Variants in ZC3H12D observed in about 807,000 individuals in gnomAD.
ZC3H12D encodes zinc finger CCCH-type containing 12D, also known as probable ribonuclease ZC3H12D.
In ZC3H12D, 11 loss-of-function variants were observed where a neutral mutation model predicts 24.2. The observed-to-expected ratio is 0.46, with a 90% CI of 0.29 to 0.75. ZC3H12D has a LOEUF of 0.75. Among genes scored for constraint, ZC3H12D ranks in the 30% least tolerant of loss-of-function variants. The pLI is 0.11. For missense variants in ZC3H12D, 740 were observed against 767.7 expected (o/e 0.96, Z 0.43); for synonymous variants, 333 against 341.8 (o/e 0.97, Z 0.28).
In ZC3H12D at chr6:149,452,576, G is replaced by A; in HGVS notation, c.787+40C>T. 3 of 1,446,448 alleles carry A rather than the reference G, an allele frequency of 2.1e-6. No homozygotes were observed. Among genetic ancestry groups the A allele is most frequent in the Admixed American group, 2.7e-5 (1 of 37,630 alleles). 89.6% of individuals were successfully genotyped at this position (1,446,448 alleles called of 1,614,324 possible). A position where few individuals can be genotyped will look rare whatever the true frequency, so the allele number is the denominator to read the frequency against. On this transcript the variant is annotated intron_variant, in intron 5 of 5. Transcript: ENST00000409806. The surrounding 1 kb of genome is among the most constrained non-coding windows in gnomAD (Gnocchi z 4.0). ...GTGCTCCTGTACTGCCCCCACACAA[G>A]GCCCTGAACAGGGCCTGCGAAGCAC...
At chr6:149,478,181 A>C (rs879306491) in intron 1 of ZC3H12D, among the ~76,000 whole-genome samples, 70 of 152,062 alleles carry the variant, frequency 4.6e-4, no homozygotes, top group Non-Finnish European at 7.4e-4. Context: ...AAAAAAAAAA[A>C]AAAACTATTT....
chr6:149,459,905 C>T (rs1169938091), intron 3 of ZC3H12D, among the ~76,000 whole-genome samples: 1 of 113,586 alleles, frequency 8.8e-6, no homozygotes, highest in Non-Finnish European at 1.7e-5. Context: ...AGAGAAAACC[C>T]ATGGCAACTG....
In ZC3H12D at chr6:149,456,050, G is replaced by A. The variant is rs940362827; in HGVS notation, c.680+616C>T. ...GGACAGATCACAAGGTCAGGAGATCGAGACCATCTGGCTAACATGGTGAAA... is the reference window on the plus strand; with the variant it reads ...GGACAGATCACAAGGTCAGGAGATCAAGACCATCTGGCTAACATGGTGAAA... On this transcript the variant is annotated intron_variant, in intron 4 of 5. Transcript: ENST00000409806. The surrounding 1 kb of genome is among the most constrained non-coding windows in gnomAD (Gnocchi z 4.3). 6.6e-6 allele frequency among the ~76,000 whole-genome samples: 1 copy of A among 151,130 alleles called. No individual in the cohort carries two copies. The highest frequency in any genetic ancestry group is 1.5e-5 in the Non-Finnish European group (1 of 67,900).
At chr6:149,455,573 T>C (rs421453) in intron 4 of ZC3H12D, among the ~76,000 whole-genome samples, 69,933 of 151,844 alleles carry the variant, frequency 0.46, 16,803 homozygotes, top group East Asian at 0.84. Context: ...ATTAGCTGAG[T>C]GGTTTGTGCC....
At chr6:149,464,075 A>G (rs561183004) in intron 2 of ZC3H12D, among the ~76,000 whole-genome samples, 1 of 152,376 alleles carries the variant, frequency 6.6e-6, no homozygotes, top group East Asian at 1.9e-4. Flanking sequence ...CTGAGGCCAC[A>G]GCATGGACAG....
chr6:149,446,814 A>G lies in ZC3H12D; in HGVS notation c.*3869T>C, dbSNP rs974936354. 2.0e-5 allele frequency: 3 copies of G among 152,150 alleles called. No homozygotes were observed. Among genetic ancestry groups the G allele is most frequent in the East Asian group, 3.9e-4 (2 of 5,186 alleles). The allele number at this position is 152,150 out of a possible 1,614,324, so 9.4% of individuals were successfully genotyped here. On this transcript the variant is annotated 3_prime_UTR_variant, in exon 6 of 6. Coordinates refer to ENST00000409806, the MANE Select transcript of ZC3H12D (RefSeq NM_207360.3). ...TCAATGTCAAACCAAAGCTGGATCC[A>G]TTTTATTTGGAAGAATGCCAATTAG...
chr6:149,449,429 G>A lies in ZC3H12D; in HGVS notation c.*1254C>T, dbSNP rs939289928. ...ACTATACTCCAGACAGAGTGACAGAGTGAGACTCTGTCTTTTTTTTTTTTT... is the reference window on the plus strand; with the variant it reads ...ACTATACTCCAGACAGAGTGACAGAATGAGACTCTGTCTTTTTTTTTTTTT... On this transcript the variant is annotated 3_prime_UTR_variant, in exon 6 of 6. Coordinates refer to ENST00000409806, the MANE Select transcript of ZC3H12D (RefSeq NM_207360.3). The A allele has an allele frequency of 4.6e-5, 7 of 151,572 alleles. No homozygotes were observed. The highest frequency in any genetic ancestry group is 1.5e-4 in the African/African-American group (6 of 40,962). 9.4% of individuals were successfully genotyped at this position (151,572 alleles called of 1,614,324 possible).
intron 2 of ZC3H12D, among the ~76,000 whole-genome samples, chr6:149,463,666 G>A (rs772194953): frequency 5.3e-5 from 8 of 152,330 alleles, no homozygotes; most frequent in South Asian, 2.1e-4. Flanking sequence ...CCGAGATCGC[G>A]CCACTGCACT....
At position 149,450,660 on chromosome 6, in the gene ZC3H12D, C is replaced by A; in HGVS notation, c.*23G>T. The A allele has an allele frequency of 6.7e-7, 1 of 1,491,868 alleles. No individual in the cohort carries two copies. The highest frequency in any genetic ancestry group is 9.0e-7 in the Non-Finnish European group (1 of 1,117,206). 92.4% of individuals were successfully genotyped at this position (1,491,868 alleles called of 1,614,324 possible). On this transcript the variant is annotated 3_prime_UTR_variant, in exon 6 of 6. Transcript: ENST00000409806. ...AGACGCAAGGCGAGGCTGGGCCATT[C>A]CCTGCAAGTGCGTGTTGGTCCCTTA... is the stretch of plus-strand genomic sequence containing the variant.
intron 1 of ZC3H12D, among the ~76,000 whole-genome samples, chr6:149,476,811 A>AAATAGAATAGAATAG (rs58370843): frequency 0.023 from 3,422 of 150,992 alleles, 127 homozygotes; most frequent in African/African-American, 0.074. Flanking sequence ...CTGTCTAAAA[A>AAATAGAATAGAATAG]AATAGAATAG....
intron 4 of ZC3H12D, among the ~76,000 whole-genome samples, chr6:149,453,661 C>T (rs1481643821): frequency 6.6e-6 from 1 of 152,170 alleles, no homozygotes; most frequent in East Asian, 1.9e-4. Flanking sequence ...GATTTTTATC[C>T]AGGAAAATGA....
Position 149,450,881 on chromosome 6 carries a change from A to G in ZC3H12D, c.1386T>C (p.Thr462=). Residue 462 remains threonine, a synonymous_variant, in exon 6 of 6, where the codon ACT becomes ACC. Transcript: ENST00000409806. ...CGGTCGCGTACACTGAAAGTCCCCC[A>G]GTGGCGCCGTCGCCCCAGGCCGGCT... ...WAEPAWGDGA[T]GGLSVYATED... is the part of the protein sequence containing the mutation. The G allele has an allele frequency of 6.5e-7, 1 of 1,541,630 alleles. No homozygotes were observed. The highest frequency in any genetic ancestry group is 8.7e-7 in the Non-Finnish European group (1 of 1,146,546).
chr6:149,464,572 C>T (rs1377736016), intron 2 of ZC3H12D, among the ~76,000 whole-genome samples: 3 of 152,206 alleles, frequency 2.0e-5, no homozygotes, highest in South Asian at 2.1e-4. Flanking sequence ...CACTGGGGAA[C>T]GTTGGCACCC....
In ZC3H12D at chr6:149,447,315, G is replaced by C. The variant is rs237006; in HGVS notation, c.*3368C>G. On this transcript the variant is annotated 3_prime_UTR_variant, in exon 6 of 6. Coordinates refer to ENST00000409806, the MANE Select transcript of ZC3H12D (RefSeq NM_207360.3). ...CTGGAGTGCAGAGCGCAGTGGCACA[G>C]TCTCAGCTCACTACAACCTCTGCCT... The C allele has an allele frequency of 6.6e-6, 1 of 152,176 alleles. No individual in the cohort carries two copies. Among genetic ancestry groups the C allele is most frequent in the Admixed American group, 6.5e-5 (1 of 15,294 alleles). The allele number at this position is 152,176 out of a possible 1,614,324, so 9.4% of individuals were successfully genotyped here. A position where few individuals can be genotyped will look rare whatever the true frequency, so the allele number is the denominator to read the frequency against.
intron 1 of ZC3H12D, among the ~76,000 whole-genome samples, chr6:149,482,540 T>G (rs1583195087): frequency 6.8e-6 from 1 of 147,918 alleles, no homozygotes; most frequent in African/African-American, 2.5e-5. Flanking sequence ...CTGCTGGGGG[T>G]GGGTTCGGGG....
intron 5 of ZC3H12D, among the ~76,000 whole-genome samples, chr6:149,451,731 C>T (rs1437745582): frequency 6.6e-6 from 1 of 152,222 alleles, no homozygotes; most frequent in Non-Finnish European, 1.5e-5. Flanking sequence ...TGAGCACACT[C>T]ATCCCAGGGT....
chr6:149,455,735 G>T (rs1426194927), intron 4 of ZC3H12D, among the ~76,000 whole-genome samples: 1 of 152,058 alleles, frequency 6.6e-6, no homozygotes, highest in Non-Finnish European at 1.5e-5. Flanking sequence ...GATATTTACA[G>T]CCCAGAAGAA....
intron 2 of ZC3H12D, among the ~76,000 whole-genome samples, chr6:149,463,296 T>C (rs1776104297): frequency 6.6e-6 from 1 of 152,184 alleles, no homozygotes. Flanking sequence ...TGGTATGAGA[T>C]CAGGCAGGGC....
chr6:149,472,011 T>C (rs1433807837), intron 2 of ZC3H12D, among the ~76,000 whole-genome samples: 1 of 152,234 alleles, frequency 6.6e-6, no homozygotes, highest in Non-Finnish European at 1.5e-5. Context: ...GTTAATTGAA[T>C]TTTGAGGTCA....
Sources: gnomAD v4.1 joint callset for allele counts (sites outside exome capture counted in the v4.1 genomes callset) on GRCh38, gnomAD v4.1.1 for gene constraint, Gnocchi (gnomAD v3.1) non-coding constraint, MANE v1.5 for transcripts, NCBI Gene and HGNC (gene_info 2026-07-23, HGNC 2026-07-21) for gene names.